The following KCNJ4 variants were observed in gnomAD, a reference collection of about 807,000 sequenced individuals.
KCNJ4 encodes potassium inwardly rectifying channel subfamily J member 4.
In KCNJ4, 3 loss-of-function variants were observed where a neutral mutation model predicts 25.6. That is an observed-to-expected ratio of 0.12 (90% confidence interval 0.05 to 0.30). The LOEUF (loss-of-function observed/expected upper bound fraction) is 0.30, where lower values mean the gene tolerates loss of function less well. Among genes scored for constraint, KCNJ4 ranks in the 10% least tolerant of loss-of-function variants. The pLI, the probability that KCNJ4 is intolerant of heterozygous loss-of-function variation, is 1.00. For synonymous variants in KCNJ4, 257 were observed against 283.9 expected (o/e 0.91, Z 0.95); for missense variants, 286 against 666.8 (o/e 0.43, Z 6.29).
chr22:38,428,192 A>G, intron 1 of KCNJ4, 21 bp from the exon 2 acceptor site: 1 of 1,552,256 alleles, frequency 6.4e-7, no homozygotes, highest in Non-Finnish European at 8.7e-7. Context: ...GAAGCCGGAC[A>G]GGTGAGATGC....
At chr22:38,429,951 C>T (rs888693368) in intron 1 of KCNJ4, among the ~76,000 whole-genome samples, 1 of 152,224 alleles carries the variant, frequency 6.6e-6, no homozygotes, top group African/African-American at 2.4e-5. Flanking sequence ...AACCGGTACG[C>T]GCCAACGCTA....
chr22:38,432,369 C>T (rs1187182781), intron 1 of KCNJ4, among the ~76,000 whole-genome samples: 1 of 152,238 alleles, frequency 6.6e-6, no homozygotes, highest in African/African-American at 2.4e-5. Context: ...TTTGTGGATG[C>T]AGGGATGCAG....
chr22:38,438,264 A>C (rs1454563638), intron 1 of KCNJ4, among the ~76,000 whole-genome samples: 7 of 133,540 alleles, frequency 5.2e-5, no homozygotes, highest in East Asian at 2.2e-4. Flanking sequence ...AAAAAAAGCC[A>C]GGTGTGGTGG....
chr22:38,433,432 G>A (rs2093056115), intron 1 of KCNJ4, among the ~76,000 whole-genome samples: 1 of 152,158 alleles, frequency 6.6e-6, no homozygotes, highest in Admixed American at 6.5e-5. Flanking sequence ...GGCAACAAGA[G>A]TGAAACTCCG....
At chr22:38,438,199 C>A (rs570302984) in intron 1 of KCNJ4, among the ~76,000 whole-genome samples, 1 of 131,688 alleles carries the variant, frequency 7.6e-6, no homozygotes, top group African/African-American at 3.0e-5. Flanking sequence ...GAGATCATGC[C>A]ATTGCATTCC....
intron 1 of KCNJ4, among the ~76,000 whole-genome samples, chr22:38,452,517 G>T (rs11704913): frequency 6.6e-6 from 1 of 152,080 alleles, no homozygotes; most frequent in African/African-American, 2.4e-5. Flanking sequence ...ACTTGCCCCC[G>T]GCCCTCTGGC....
At chr22:38,452,598 C>T (rs1005568489) in intron 1 of KCNJ4, among the ~76,000 whole-genome samples, 5 of 152,272 alleles carry the variant, frequency 3.3e-5, no homozygotes, top group African/African-American at 7.2e-5. Flanking sequence ...GCTTTCGTCC[C>T]GGTGCCAATC....
chr22:38,454,571 C>T (rs2089428060), intron 1 of KCNJ4, among the ~76,000 whole-genome samples: 1 of 152,128 alleles, frequency 6.6e-6, no homozygotes, highest in South Asian at 2.1e-4. Flanking sequence ...GATCACAGGG[C>T]CATTTGCAAC....
chr22:38,431,957 T>A (rs891131123), intron 1 of KCNJ4, among the ~76,000 whole-genome samples: 2 of 151,624 alleles, frequency 1.3e-5, no homozygotes, highest in Non-Finnish European at 2.9e-5. Flanking sequence ...AGATGTTTTT[T>A]TTTTTTTAAA....
chr22:38,435,309 C>G (rs951719607), intron 1 of KCNJ4, among the ~76,000 whole-genome samples: 8 of 152,226 alleles, frequency 5.3e-5, no homozygotes, highest in African/African-American at 1.9e-4. Flanking sequence ...GGAGCCAGCA[C>G]AGGGCAGTGG....
At chr22:38,450,807 C>T (rs907171497) in intron 1 of KCNJ4, among the ~76,000 whole-genome samples, 8 of 152,186 alleles carry the variant, frequency 5.3e-5, no homozygotes, top group African/African-American at 1.9e-4. Context: ...AATGGAGCCC[C>T]CAGAGGAGCC....
At chr22:38,447,318 G>T (rs550285361) in intron 1 of KCNJ4, among the ~76,000 whole-genome samples, 54 of 152,312 alleles carry the variant, frequency 3.5e-4, no homozygotes, top group Non-Finnish European at 6.3e-4. Context: ...AGTGAGGAGG[G>T]ACTTGAGGCC....
At chr22:38,445,176 G>A (rs543219341) in intron 1 of KCNJ4, among the ~76,000 whole-genome samples, 5 of 152,186 alleles carry the variant, frequency 3.3e-5, no homozygotes, top group African/African-American at 1.2e-4. Flanking sequence ...TGAGCGGAAA[G>A]CAGGGAATTT....
intron 1 of KCNJ4, among the ~76,000 whole-genome samples, chr22:38,432,280 T>TAAATAAATAAATAAAATA (rs1555917613): frequency 9.0e-4 from 133 of 147,248 alleles, no homozygotes; most frequent in Middle Eastern, 7.1e-3. Flanking sequence ...AATAAATAAA[T>TAAATAAATAAATAAAATA]AAATAAAATA....
chr22:38,435,973 C>T (rs954017949), intron 1 of KCNJ4, among the ~76,000 whole-genome samples: 25 of 152,040 alleles, frequency 1.6e-4, no homozygotes, highest in Admixed American at 1.2e-3. Context: ...CCACTGCCCT[C>T]TGCAGGCCCT....
chr22:38,436,037 AC>A (rs1484080249), intron 1 of KCNJ4, among the ~76,000 whole-genome samples: 1 of 151,476 alleles, frequency 6.6e-6, no homozygotes, highest in African/African-American at 2.4e-5. Context: ...AGTCTCAGGA[AC>A]CCCCCGCCTG....
At chr22:38,446,887 G>A (rs374145892) in intron 1 of KCNJ4, among the ~76,000 whole-genome samples, 20 of 151,808 alleles carry the variant, frequency 1.3e-4, no homozygotes, top group Admixed American at 5.9e-4. Context: ...ACTGGGAGGC[G>A]GAGGTTGCAG....
chr22:38,451,709 C>T (rs573687600), intron 1 of KCNJ4, among the ~76,000 whole-genome samples: 53 of 152,300 alleles, frequency 3.5e-4, no homozygotes, highest in Non-Finnish European at 7.2e-4. Flanking sequence ...CCCAAACCAT[C>T]ACTGTGACCC....
At chr22:38,445,462 T>A (rs989712174) in intron 1 of KCNJ4, among the ~76,000 whole-genome samples, 2 of 152,134 alleles carry the variant, frequency 1.3e-5, no homozygotes, top group South Asian at 2.1e-4. Flanking sequence ...AAAGCAAACA[T>A]CCTGTTTGTT....
Sources: gnomAD v4.1 joint callset for allele counts (sites outside exome capture counted in the v4.1 genomes callset) on GRCh38, gnomAD v4.1.1 for gene constraint, MANE v1.5 for transcripts, NCBI Gene and HGNC (gene_info 2026-07-23, HGNC 2026-07-21) for gene names.